CCDC171: variants seen among roughly 807,000 people sequenced by gnomAD.
The protein encoded by CCDC171 is coiled-coil domain-containing protein 171.
Under a neutral mutation model 168.2 loss-of-function variants are expected in CCDC171, and 177 were observed. That is an observed-to-expected ratio of 1.05 (90% confidence interval 0.93 to 1.19). The LOEUF (loss-of-function observed/expected upper bound fraction) is 1.19. CCDC171 is among the 50% of genes most tolerant of loss of function. The pLI is 0.00. For synonymous variants in CCDC171, 687 were observed against 540.8 expected (o/e 1.27, Z -3.75); for missense variants, 1,991 against 1,539.0 (o/e 1.29, Z -4.91).
At chr9:15,944,143 C>T (rs930997920) in intron 25 of CCDC171, among the ~76,000 whole-genome samples, 18 of 151,826 alleles carry the variant, frequency 1.2e-4, no homozygotes, top group Non-Finnish European at 2.5e-4. Context: ...TTGTGATAAA[C>T]GTGATATTTG....
intron 25 of CCDC171, among the ~76,000 whole-genome samples, chr9:15,963,292 T>C (rs985391959): frequency 2.1e-4 from 32 of 152,162 alleles, no homozygotes; most frequent in African/African-American, 7.2e-4. Context: ...GTAACAAACC[T>C]GCACGTTGTG....
chr9:15,896,389 C>T (rs149465767), intron 24 of CCDC171, among the ~76,000 whole-genome samples: 1 of 152,112 alleles, frequency 6.6e-6, no homozygotes, highest in East Asian at 1.9e-4. Context: ...CCTTCTCATA[C>T]CTGAAGAGCT....
At chr9:16,053,689 A>G (rs1372131523) in intron 1 of CCDC171, among the ~76,000 whole-genome samples, 1 of 152,194 alleles carries the variant, frequency 6.6e-6, no homozygotes, top group Non-Finnish European at 1.5e-5. Context: ...AGGCTGAATC[A>G]CCAAAGGCTG....
At chr9:15,556,926 A>T (rs1021493981) in intron 1 of CCDC171, among the ~76,000 whole-genome samples, 1 of 152,100 alleles carries the variant, frequency 6.6e-6, no homozygotes, top group African/African-American at 2.4e-5. Context: ...TGTAAGGTAT[A>T]AGGAAGGGTT....
chr9:15,577,125 T>G (rs1345769341), intron 3 of CCDC171, among the ~76,000 whole-genome samples: 1 of 152,224 alleles, frequency 6.6e-6, no homozygotes. Flanking sequence ...GTGAAACTCT[T>G]CATTGAACTT....
At position 15,659,982 on chromosome 9, in the gene CCDC171, A is replaced by G. The variant is rs535448783; in HGVS notation, c.915+2763A>G. ...AAAAGCTACTGCTTTCAATATGTCT[A>G]AATTACTTAATTTAATTTACATTTT... On this transcript the variant is annotated intron_variant, in intron 8 of 25. Transcript: ENST00000380701. Among the ~76,000 whole-genome samples, 3 of 152,314 alleles carry G rather than the reference A, an allele frequency of 2.0e-5. No individual in the cohort carries two copies. The South Asian group carries it at 6.2e-4, about 32-fold the overall frequency.
At chr9:15,752,926 T>C (rs902254873) in intron 18 of CCDC171, among the ~76,000 whole-genome samples, 16 of 152,258 alleles carry the variant, frequency 1.1e-4, no homozygotes, top group African/African-American at 2.6e-4. Flanking sequence ...GTTACTAATA[T>C]TCTTTGTAAG....
intron 3 of CCDC171, among the ~76,000 whole-genome samples, chr9:15,993,881 A>C (rs1176797675): frequency 6.6e-6 from 1 of 152,228 alleles, no homozygotes; most frequent in South Asian, 2.1e-4. Context: ...TCGAAACCAC[A>C]ATGAGATACC....
chr9:15,975,162 A>G (rs10962243), downstream of CCDC171, among the ~76,000 whole-genome samples: 4 of 152,180 alleles, frequency 2.6e-5, no homozygotes, highest in Non-Finnish European at 5.9e-5. Context: ...TTATAGCAAA[A>G]CTAATGATCT....
chr9:15,858,889 C>G (rs2061442003), intron 23 of CCDC171, among the ~76,000 whole-genome samples: 1 of 151,974 alleles, frequency 6.6e-6, no homozygotes, highest in African/African-American at 2.4e-5. Flanking sequence ...TTTTTCTTGC[C>G]AAATCACGCT....
intron 3 of CCDC171, among the ~76,000 whole-genome samples, chr9:16,019,699 T>G (rs1394872985): frequency 6.6e-6 from 1 of 152,226 alleles, no homozygotes; most frequent in Admixed American, 6.5e-5. Context: ...AAATATTTAC[T>G]TTCATTATCC....
At chr9:16,051,718 A>T (rs538282589) in intron 1 of CCDC171, among the ~76,000 whole-genome samples, 2 of 152,354 alleles carry the variant, frequency 1.3e-5, no homozygotes, top group East Asian at 3.9e-4. Flanking sequence ...TGTCCTCATC[A>T]TCTCAGGATG....
chr9:15,865,988 T>C (rs1450732660), intron 23 of CCDC171, among the ~76,000 whole-genome samples: 1 of 151,796 alleles, frequency 6.6e-6, no homozygotes, highest in African/African-American at 2.4e-5. Flanking sequence ...CCTCAAAATA[T>C]GAGGAAGAAG....
chr9:15,673,029 C>T (rs1044493679), intron 9 of CCDC171, among the ~76,000 whole-genome samples: 1 of 152,066 alleles, frequency 6.6e-6, no homozygotes, highest in African/African-American at 2.4e-5. Context: ...CTTTTATTTC[C>T]TTGAGCAGTG....
chr9:15,723,178 CA>C (rs2053595428), intron 12 of CCDC171, among the ~76,000 whole-genome samples: 1 of 152,112 alleles, frequency 6.6e-6, no homozygotes. Flanking sequence ...GGTGCAGGAC[CA>C]ACTGATGACC....
At chr9:15,882,068 G>A (rs1000711468) in intron 24 of CCDC171, among the ~76,000 whole-genome samples, 6 of 152,118 alleles carry the variant, frequency 3.9e-5, no homozygotes, top group African/African-American at 1.4e-4. Flanking sequence ...AATAGTGTGC[G>A]AGGATTCTCC....
chr9:15,838,494 A>G (rs998179701), intron 21 of CCDC171, among the ~76,000 whole-genome samples: 4 of 152,216 alleles, frequency 2.6e-5, no homozygotes, highest in African/African-American at 9.6e-5. Flanking sequence ...TTCTATTACA[A>G]TAGTTGGCAA....
chr9:15,996,293 A>T (rs1442406005), intron 3 of CCDC171, among the ~76,000 whole-genome samples: 1 of 151,978 alleles, frequency 6.6e-6, no homozygotes, highest in East Asian at 1.9e-4. Flanking sequence ...ATCGTGGGGA[A>T]CCTGCTGTTG....
intron 1 of CCDC171, among the ~76,000 whole-genome samples, chr9:15,559,855 T>C (rs1007866110): frequency 1.1e-4 from 17 of 152,174 alleles, no homozygotes; most frequent in African/African-American, 4.1e-4. Context: ...GGCATGTTTT[T>C]GCAGTGGCTG....
Sources: gnomAD v4.1 joint callset for allele counts (sites outside exome capture counted in the v4.1 genomes callset) on GRCh38, gnomAD v4.1.1 for gene constraint, MANE v1.5 for transcripts, NCBI Gene and HGNC (gene_info 2026-07-23, HGNC 2026-07-21) for gene names.